Variants in PTPRM observed in about 807,000 individuals in gnomAD.
The protein encoded by PTPRM is protein tyrosine phosphatase receptor type M, also known as receptor-type tyrosine-protein phosphatase mu.
A neutral mutation model predicts 186.7 loss-of-function variants in PTPRM; 47 were observed. That is an observed-to-expected ratio of 0.25 (90% CI 0.20 to 0.32). The LOEUF is 0.32. PTPRM is among the 10% of genes least tolerant of loss of function. PTPRM has a pLI of 1.00. For synonymous variants in PTPRM, 668 were observed against 674.9 expected (o/e 0.99, Z 0.16); for missense variants, 1,494 against 1,865.0 (o/e 0.80, Z 3.66).
intron 32 of PTPRM, 55 bp from the exon 33 acceptor site, chr18:8,406,054 C>G (rs548845759): frequency 1.3e-6 from 2 of 1,503,318 alleles, no homozygotes; most frequent in African/African-American, 1.4e-5. Context: ...AATTGCTTTA[C>G]TAGGAACAGC....
rs926405557 is a variant in PTPRM at position 8,152,073 on chromosome 18, G to A, written c.2300+8294G>A. 2.8e-5 allele frequency among the ~76,000 whole-genome samples: 3 copies of A among 107,814 alleles called. No homozygotes were observed. In the East Asian group the frequency reaches 8.0e-4, roughly 29 times the overall value. The allele number at this position is 107,814 out of a possible 152,430, so 70.7% of individuals were successfully genotyped here. A position where few individuals can be genotyped will look rare whatever the true frequency, so the allele number is the denominator to read the frequency against. ...CCACCTTCTGTGTTGATCTCGCTGG[G>A]AGCTGCAGACCGGAGCTGTTCCTAT... On this transcript the variant is annotated intron_variant, in intron 14 of 32. Transcript: ENST00000580170.
chr18:8,394,466 T>C lies in PTPRM; in HGVS notation c.4209-10T>C. ...GACCGAGTGCAGTCATCTGATCTTTTTCACGACAGGAACGGGGGAGGCCGC... is the reference window on the plus strand; with the variant it reads ...GACCGAGTGCAGTCATCTGATCTTTCTCACGACAGGAACGGGGGAGGCCGC... On this transcript the variant is annotated splice_polypyrimidine_tract_variant and intron_variant, in intron 31 of 32. Coordinates refer to ENST00000580170, the MANE Select transcript of PTPRM (RefSeq NM_001105244.2). 1 of 1,604,506 alleles carries C rather than the reference T, an allele frequency of 6.2e-7. No individual in the cohort carries two copies. Among genetic ancestry groups the C allele is most frequent in the Middle Eastern group, 1.7e-4 (1 of 6,020 alleles).
At chr18:7,774,318 C>T (rs1034478172) in intron 2 of PTPRM, 47 bp downstream of exon 2, 1 of 1,593,442 alleles carries the variant, frequency 6.3e-7, no homozygotes, top group Non-Finnish European at 8.6e-7. Context: ...ACACAAGAGT[C>T]TCAATCATAC....
Position 8,065,849 on chromosome 18 carries a change from G to A in PTPRM, c.1133-3837G>A, listed in dbSNP as rs116680969. On this transcript the variant is annotated intron_variant, in intron 7 of 32. Transcript: ENST00000580170. ...TTTGTATTCTACTCCCAGAAATGCAGTGTGAGTTGCAATTAGCCTACCAAA... is the reference window on the plus strand; with the variant it reads ...TTTGTATTCTACTCCCAGAAATGCAATGTGAGTTGCAATTAGCCTACCAAA... 2.2e-3 allele frequency among the ~76,000 whole-genome samples: 336 copies of A among 152,292 alleles called. 1 individual carries two copies. Among genetic ancestry groups the A allele is most frequent in the African/African-American group, 7.5e-3 (311 of 41,562 alleles).
At chr18:7,696,612 G>A (rs1362251108) in intron 1 of PTPRM, among the ~76,000 whole-genome samples, 2 of 152,204 alleles carry the variant, frequency 1.3e-5, no homozygotes, top group African/African-American at 4.8e-5. Context: ...GCCACATGTG[G>A]AGTTTGGTGG....
chr18:8,000,229 C>T (rs2083787772), intron 7 of PTPRM, among the ~76,000 whole-genome samples: 1 of 152,136 alleles, frequency 6.6e-6, no homozygotes, highest in South Asian at 2.1e-4. Flanking sequence ...CAACCTGACA[C>T]ATAAAATCAA....
At chr18:8,379,369 G>T (rs775671545) in intron 28 of PTPRM, 29 bp downstream of exon 28, 1 of 1,567,224 alleles carries the variant, frequency 6.4e-7, no homozygotes, top group African/African-American at 1.4e-5. Flanking sequence ...GCACGGGTCC[G>T]AGGCTGGGGT....
At chr18:8,134,396 C>T (rs570387693) in intron 13 of PTPRM, among the ~76,000 whole-genome samples, 1 of 152,302 alleles carries the variant, frequency 6.6e-6, no homozygotes, top group South Asian at 2.1e-4. Flanking sequence ...GATCTTTACT[C>T]TTGGGAAGCT....
chr18:8,049,797 C>A (rs758675765), intron 7 of PTPRM, among the ~76,000 whole-genome samples: 5 of 151,782 alleles, frequency 3.3e-5, no homozygotes, highest in Non-Finnish European at 7.4e-5. Flanking sequence ...CTGCAACCCC[C>A]GCCTCTCAGG....
intron 22 of PTPRM, among the ~76,000 whole-genome samples, chr18:8,328,480 T>G (rs1007330719): frequency 6.6e-6 from 1 of 152,234 alleles, no homozygotes; most frequent in Non-Finnish European, 1.5e-5. Context: ...AATTCTGTGT[T>G]AGCTAGCACT....
intron 19 of PTPRM, among the ~76,000 whole-genome samples, chr18:8,290,635 C>G (rs2095032723): frequency 1.3e-5 from 2 of 152,120 alleles, no homozygotes; most frequent in African/African-American, 4.8e-5. Context: ...ATGGAGAGTA[C>G]AGCATCTTCA....
At chr18:7,679,203 T>C (rs937317260) in intron 1 of PTPRM, among the ~76,000 whole-genome samples, 7 of 152,272 alleles carry the variant, frequency 4.6e-5, no homozygotes, top group Non-Finnish European at 1.0e-4. Context: ...CAGTCATTCA[T>C]TAAGTAAAAC....
chr18:8,377,476 C>T (rs1332841253), intron 26 of PTPRM: 1 of 152,068 alleles, frequency 6.6e-6, no homozygotes, highest in East Asian at 1.9e-4. Context: ...AATGTTGCCA[C>T]TCGCATTTCT....
intron 23 of PTPRM, among the ~76,000 whole-genome samples, chr18:8,363,792 G>A (rs1233421711): frequency 6.6e-6 from 1 of 151,796 alleles, no homozygotes; most frequent in Non-Finnish European, 1.5e-5. Flanking sequence ...AGAGAGAAAA[G>A]TAACAAGACA....
chr18:8,050,134 AT>A (rs1396076892), intron 7 of PTPRM, among the ~76,000 whole-genome samples: 1 of 152,240 alleles, frequency 6.6e-6, no homozygotes, highest in East Asian at 1.9e-4. Context: ...CACTGTATGC[AT>A]ATTGGATCAG....
At chr18:7,877,530 C>T (rs2048305593) in intron 2 of PTPRM, among the ~76,000 whole-genome samples, 1 of 152,182 alleles carries the variant, frequency 6.6e-6, no homozygotes, top group Non-Finnish European at 1.5e-5. Flanking sequence ...TGAATTTTGA[C>T]ATATATCTAT....
intron 1 of PTPRM, among the ~76,000 whole-genome samples, chr18:7,612,239 T>C (rs1266897659): frequency 6.6e-6 from 1 of 152,140 alleles, no homozygotes; most frequent in African/African-American, 2.4e-5. Context: ...TATGCTACAG[T>C]TTACTTTTGC....
chr18:7,598,881 A>G (rs1186987455), intron 1 of PTPRM, among the ~76,000 whole-genome samples: 1 of 151,712 alleles, frequency 6.6e-6, no homozygotes, highest in Non-Finnish European at 1.5e-5. Context: ...GTTACTTAAT[A>G]GTAAAGTCTC....
chr18:8,341,212 G>A (rs184188327), intron 22 of PTPRM, among the ~76,000 whole-genome samples: 1 of 152,224 alleles, frequency 6.6e-6, no homozygotes, highest in Non-Finnish European at 1.5e-5. Flanking sequence ...AGTCGAGAAA[G>A]GGAATCATAC....
Sources: gnomAD v4.1 joint callset for allele counts (sites outside exome capture counted in the v4.1 genomes callset) on GRCh38, gnomAD v4.1.1 for gene constraint, MANE v1.5 for transcripts, NCBI Gene and HGNC (gene_info 2026-07-23, HGNC 2026-07-21) for gene names.